SYTL3: variants seen among roughly 807,000 people sequenced by gnomAD.
SYTL3 encodes the protein synaptotagmin-like protein 3.
SYTL3 carries 88 observed loss-of-function variants against 82.1 expected under a neutral mutation model. The ratio of observed to expected loss-of-function variants is 1.07; its 90% CI spans 0.90 to 1.28. The LOEUF is 1.28. SYTL3 is among the 50% of genes most tolerant of loss of function. SYTL3 has a pLI of 0.00. For synonymous variants in SYTL3, 311 were observed against 289.4 expected, an observed-to-expected ratio of 1.07 and a Z score of -0.76; for missense variants, 831 against 757.6, an observed-to-expected ratio of 1.10 and a Z score of -1.14.
In SYTL3 at chr6:158,673,020, G is replaced by A. The variant is rs146837737; in HGVS notation, c.329+7407G>A. ...ATCATAGCTCACTGCAGCCTCCAAC[G>A]CCTGGGTTCAAGAGACCTTCCTGCC... is the stretch of plus-strand genomic sequence containing the variant. On this transcript the variant is annotated intron_variant, in intron 5 of 17. Coordinates refer to ENST00000611299, the MANE Select transcript of SYTL3 (RefSeq NM_001242394.2). 6.6e-3 allele frequency among the ~76,000 whole-genome samples: 1,009 copies of A among 151,964 alleles called. 10 individuals are homozygous for A. Among genetic ancestry groups the A allele is most frequent in the Non-Finnish European group, 0.011 (779 of 67,958 alleles).
upstream of SYTL3, among the ~76,000 whole-genome samples, chr6:158,648,063 G>A (rs919924583): frequency 6.6e-6 from 1 of 152,224 alleles, no homozygotes; most frequent in East Asian, 1.9e-4. Flanking sequence ...GGAGGCTGAG[G>A]TGGGCAGATC....
chr6:158,714,225 G>T (rs1783088117), intron 9 of SYTL3, among the ~76,000 whole-genome samples: 2 of 152,194 alleles, frequency 1.3e-5, no homozygotes, highest in Admixed American at 1.3e-4. Context: ...GGTGGTGGGT[G>T]CCTGTAATCC....
intron 9 of SYTL3, among the ~76,000 whole-genome samples, chr6:158,715,599 T>TCACACACA (rs72372107): frequency 0.09 from 10,485 of 116,246 alleles, 795 homozygotes; most frequent in African/African-American, 0.19. Context: ...TGAAACCGCA[T>TCACACACA]CACACACACA....
chr6:158,764,006 A>C (rs1038116739), intron 17 of SYTL3, among the ~76,000 whole-genome samples: 5 of 152,170 alleles, frequency 3.3e-5, no homozygotes, highest in Non-Finnish European at 5.9e-5. Flanking sequence ...ACAACCAAAA[A>C]CACCTGCACA....
intron 4 of SYTL3, among the ~76,000 whole-genome samples, chr6:158,664,498 G>A (rs966152689): frequency 1.5e-4 from 23 of 152,066 alleles, no homozygotes; most frequent in Admixed American, 7.2e-4. Flanking sequence ...AGCTGAGATC[G>A]CGCCACTGCA....
chr6:158,666,917 G>A (rs1034520606), intron 5 of SYTL3, among the ~76,000 whole-genome samples: 1 of 152,206 alleles, frequency 6.6e-6, no homozygotes, highest in Non-Finnish European at 1.5e-5. Flanking sequence ...GACGGTGGCC[G>A]AATTCGCCTT....
At chr6:158,736,075 G>A (rs1188736218) in intron 11 of SYTL3, among the ~76,000 whole-genome samples, 2 of 152,202 alleles carry the variant, frequency 1.3e-5, no homozygotes, top group Non-Finnish European at 2.9e-5. Flanking sequence ...AACAACGGCC[G>A]GGCGCGGTGT....
At chr6:158,733,259 T>C (rs1425508808) in intron 11 of SYTL3, among the ~76,000 whole-genome samples, 3 of 151,394 alleles carry the variant, frequency 2.0e-5, no homozygotes, top group African/African-American at 7.3e-5. Context: ...TTTGGAAATA[T>C]TATTACTTTT....
Position 158,760,694 on chromosome 6 carries a change from G to A in SYTL3, c.1363G>A (p.Ala455Thr), listed in dbSNP as rs765083431. Residue 455 changes from alanine to threonine, a missense_variant, in exon 15 of 18, where the codon GCT (alanine) becomes ACT (threonine). Coordinates refer to ENST00000611299, the MANE Select transcript of SYTL3 (RefSeq NM_001242394.2). ...PQSNGELTVR[A>T]KLVLPSRPRK... ...GAGTAATGGAGAGCTCACAGTCCGGGCTAAGCTGGTTCTCCCTTCACGGCC... is the reference window on the plus strand; with the variant it reads ...GAGTAATGGAGAGCTCACAGTCCGGACTAAGCTGGTTCTCCCTTCACGGCC... 1 of 1,614,132 alleles carries A rather than the reference G, an allele frequency of 6.2e-7. No homozygotes were observed. The highest frequency in any genetic ancestry group is 2.2e-5 in the East Asian group (1 of 44,882).
At chr6:158,707,037 G>A (rs1782176730) in intron 6 of SYTL3, among the ~76,000 whole-genome samples, 193 bp from the exon 7 acceptor site, 1 of 152,102 alleles carries the variant, frequency 6.6e-6, no homozygotes, top group Non-Finnish European at 1.5e-5. Context: ...ATGATTTTGA[G>A]TAAATTTACA....
intron 2 of SYTL3, among the ~76,000 whole-genome samples, chr6:158,660,737 C>T (rs1789286900): frequency 6.6e-6 from 1 of 152,180 alleles, no homozygotes; most frequent in African/African-American, 2.4e-5. Context: ...GTGCACAGAG[C>T]AAGTGTTTGC....
At chr6:158,703,022 C>T (rs1345573884) in intron 6 of SYTL3, among the ~76,000 whole-genome samples, 7 of 151,792 alleles carry the variant, frequency 4.6e-5, no homozygotes, top group South Asian at 4.2e-4. Context: ...GGTGTGGTGG[C>T]GGGCGCCTGT....
chr6:158,759,397 G>A (rs1164179103), intron 14 of SYTL3, among the ~76,000 whole-genome samples: 1 of 152,204 alleles, frequency 6.6e-6, no homozygotes, highest in Non-Finnish European at 1.5e-5. Flanking sequence ...GCTGGCCCAC[G>A]CGGGCTCCCA....
At position 158,732,447 on chromosome 6, in the gene SYTL3, G is replaced by A. The variant is rs543166367; in HGVS notation, c.855+6810G>A. Among the ~76,000 whole-genome samples the A allele has an allele frequency of 1.2e-4, 19 of 152,380 alleles. No homozygotes were observed. In the South Asian group the frequency reaches 2.3e-3, roughly 18 times the overall value. ...AAGCGACTGTTACGCGTGTGCGCAC[G>A]GTAGGCCAGAGGCCCAGCTTGTCCC... On this transcript the variant is annotated intron_variant, in intron 11 of 17. Coordinates refer to ENST00000611299, the MANE Select transcript of SYTL3 (RefSeq NM_001242394.2).
intron 8 of SYTL3, 129 bp downstream of exon 8, chr6:158,708,520 G>A (rs906675883): frequency 8.2e-6 from 7 of 858,724 alleles, no homozygotes; most frequent in East Asian, 7.7e-5. Context: ...TGCCTGGAGC[G>A]GGTCACAAAG....
chr6:158,669,059 C>G (rs1384665920), intron 5 of SYTL3, among the ~76,000 whole-genome samples: 1 of 152,202 alleles, frequency 6.6e-6, no homozygotes, highest in Non-Finnish European at 1.5e-5. Flanking sequence ...TTGTTTTCCA[C>G]TGATGTTTCT....
At chr6:158,680,591 A>C (rs1350877488) in intron 5 of SYTL3, among the ~76,000 whole-genome samples, 2 of 151,040 alleles carry the variant, frequency 1.3e-5, no homozygotes, top group African/African-American at 2.4e-5. Flanking sequence ...AAAAAAAAAA[A>C]AAACACAAAA....
intron 14 of SYTL3, among the ~76,000 whole-genome samples, chr6:158,759,313 T>C (rs1789583553): frequency 2.0e-5 from 3 of 152,208 alleles, no homozygotes; most frequent in Admixed American, 1.3e-4. Context: ...CTGGGCTCTG[T>C]TCCGCCTCGG....
At chr6:158,660,917 T>C (rs1789307324) in intron 2 of SYTL3, among the ~76,000 whole-genome samples, 2 of 152,098 alleles carry the variant, frequency 1.3e-5, no homozygotes, top group Non-Finnish European at 2.9e-5. Flanking sequence ...TAGCTAGGCA[T>C]GGTAGCCCGC....
Sources: gnomAD v4.1 joint callset for allele counts (sites outside exome capture counted in the v4.1 genomes callset) on GRCh38, gnomAD v4.1.1 for gene constraint, MANE v1.5 for transcripts, NCBI Gene and HGNC (gene_info 2026-07-23, HGNC 2026-07-21) for gene names.